The following RNF182 variants were observed in gnomAD, a reference collection of about 807,000 sequenced individuals.
RNF182 encodes E3 ubiquitin-protein ligase RNF182.
In RNF182, 15 loss-of-function variants were observed where a neutral mutation model predicts 14.4. The ratio of observed to expected loss-of-function variants is 1.04; its 90% CI spans 0.70 to 1.60. The LOEUF is 1.60. RNF182 is among the 40% of genes most tolerant of loss of function. The probability of loss-of-function intolerance (pLI) is 0.00; values close to 1 mark genes in which losing one functional copy is unlikely to be tolerated. For missense variants in RNF182, 268 were observed against 294.8 expected (o/e 0.91, Z 0.67); for synonymous variants, 128 against 122.9 (o/e 1.04, Z -0.27).
At chr6:13,946,803 C>G (rs1759450912) in intron 1 of RNF182, among the ~76,000 whole-genome samples, 1 of 152,150 alleles carries the variant, frequency 6.6e-6, no homozygotes, top group African/African-American at 2.4e-5. Flanking sequence ...GTAGCTTCTT[C>G]AGGCTGAACA....
At chr6:13,968,977 TGTAA>T (rs1207766448) in intron 1 of RNF182, among the ~76,000 whole-genome samples, 1 of 152,154 alleles carries the variant, frequency 6.6e-6, no homozygotes, top group Non-Finnish European at 1.5e-5. Context: ...CACTTTGGGT[TGTAA>T]GTAACAGAAA....
At chr6:13,959,464 GCTTA>G (rs1304044269) in intron 1 of RNF182, among the ~76,000 whole-genome samples, 1 of 152,174 alleles carries the variant, frequency 6.6e-6, no homozygotes, top group Non-Finnish European at 1.5e-5. Context: ...ATTTTTAGAA[GCTTA>G]CTTTGGTTAT....
chr6:13,957,490 C>T (rs1229098748), intron 1 of RNF182, among the ~76,000 whole-genome samples: 2 of 152,158 alleles, frequency 1.3e-5, no homozygotes, highest in South Asian at 2.1e-4. Context: ...TTAATTGAGG[C>T]ATTTCATTAA....
chr6:13,933,577 T>C (rs775358638), intron 1 of RNF182, among the ~76,000 whole-genome samples: 2 of 152,152 alleles, frequency 1.3e-5, no homozygotes, highest in Non-Finnish European at 2.9e-5. Flanking sequence ...TTTAACCTAA[T>C]ATATCAAAAT....
Position 13,969,799 on chromosome 6 carries a change from A to C in RNF182, c.-366-4411A>C, listed in dbSNP as rs75541670. Among the ~76,000 whole-genome samples the C allele has an allele frequency of 2.5e-3, 378 of 152,216 alleles. 1 individual carries two copies. The highest frequency in any genetic ancestry group is 8.7e-3 in the African/African-American group (362 of 41,554). Reference sequence around the variant, plus strand: ...GTATAGTCTTATCCCCAGATGACTTATAAAAGGATGAAAGACTGTTCATTG... The same window carrying C: ...GTATAGTCTTATCCCCAGATGACTTCTAAAAGGATGAAAGACTGTTCATTG... On this transcript the variant is annotated intron_variant, in intron 1 of 2. Transcript: ENST00000488300.
chr6:13,931,789 C>T (rs1049296654), intron 1 of RNF182, among the ~76,000 whole-genome samples: 1 of 152,036 alleles, frequency 6.6e-6, no homozygotes, highest in African/African-American at 2.4e-5. Context: ...CTGCAATGGA[C>T]AGCATGCTCA....
At chr6:13,946,112 A>G (rs1759432556) in intron 1 of RNF182, among the ~76,000 whole-genome samples, 1 of 150,486 alleles carries the variant, frequency 6.6e-6, no homozygotes, top group South Asian at 2.1e-4. Context: ...CTACTTTGGA[A>G]AGAATCTGTA....
At position 13,977,294 on chromosome 6, in the gene RNF182, CA is replaced by C; in HGVS notation, c.177del (p.Gly60ValfsTer30). ...YKIIDFGDSP[Q>X]GVIVCPFCRF... The stretch of plus-strand genomic sequence containing the variant: ...GATCATAGACTTTGGGGACTCCCCA[CA>C]AGGTGTCATTGTCTGTCCTTTCTGC... On this transcript the variant is annotated frameshift_variant, in exon 3 of 3. Coordinates refer to ENST00000488300, the MANE Select transcript of RNF182 (RefSeq NM_152737.4). LOFTEE classifies it high-confidence loss of function. The C allele has an allele frequency of 6.2e-7, 1 of 1,614,220 alleles. No homozygotes were observed. Among genetic ancestry groups the C allele is most frequent in the Non-Finnish European group, 8.5e-7 (1 of 1,180,032 alleles).
intron 1 of RNF182, chr6:13,949,405 G>A: frequency 1.3e-6 from 1 of 742,516 alleles, no homozygotes; most frequent in Non-Finnish European, 2.5e-6. Flanking sequence ...AAAAAGGCAA[G>A]AGAAAGACTG....
At chr6:13,967,057 C>G (rs1585045823) in intron 1 of RNF182, among the ~76,000 whole-genome samples, 1 of 152,032 alleles carries the variant, frequency 6.6e-6, no homozygotes, top group East Asian at 1.9e-4. Context: ...AGGCTGGTCT[C>G]CAACTCTTGG....
At chr6:13,963,565 G>A (rs991400474) in intron 1 of RNF182, among the ~76,000 whole-genome samples, 1 of 152,144 alleles carries the variant, frequency 6.6e-6, no homozygotes, top group Admixed American at 6.5e-5. Context: ...AGGCTGGATG[G>A]TCTCTAATGG....
chr6:13,968,285 G>A lies in RNF182; in HGVS notation c.-366-5925G>A, dbSNP rs143642879. 1.3e-4 allele frequency among the ~76,000 whole-genome samples: 20 copies of A among 152,202 alleles called. No homozygotes were observed. In the East Asian group the frequency reaches 2.5e-3, roughly 19 times the overall value. On this transcript the variant is annotated intron_variant, in intron 1 of 2. Coordinates refer to ENST00000488300, the MANE Select transcript of RNF182 (RefSeq NM_152737.4). Reference sequence around the variant, plus strand: ...ATGCAAAGACGATAACAGAATTTGCGGAACTCTACAGCAATGAATTTGAAA... The same window carrying A: ...ATGCAAAGACGATAACAGAATTTGCAGAACTCTACAGCAATGAATTTGAAA...
At chr6:13,926,847 C>G (rs929237816) in intron 1 of RNF182, among the ~76,000 whole-genome samples, 1 of 151,098 alleles carries the variant, frequency 6.6e-6, no homozygotes, top group Non-Finnish European at 1.5e-5. Context: ...TCTTTGTTAG[C>G]AAAACCAGTA....
chr6:13,950,615 A>G (rs1193225292), intron 1 of RNF182, among the ~76,000 whole-genome samples: 2 of 150,146 alleles, frequency 1.3e-5, no homozygotes, highest in Non-Finnish European at 3.0e-5. Context: ...TCGTGCCTCA[A>G]CCTCCCGAGT....
chr6:13,967,549 T>C (rs1166251195), intron 1 of RNF182, among the ~76,000 whole-genome samples: 1 of 152,210 alleles, frequency 6.6e-6, no homozygotes, highest in East Asian at 1.9e-4. Flanking sequence ...AGAATATTTC[T>C]TTCTAGACTA....
chr6:13,941,052 A>G (rs1236594806), intron 1 of RNF182, among the ~76,000 whole-genome samples: 1 of 152,002 alleles, frequency 6.6e-6, no homozygotes, highest in African/African-American at 2.4e-5. Context: ...TGTAGTTGTA[A>G]TTGCAGAATT....
At chr6:13,930,352 A>T (rs1310940889) in intron 1 of RNF182, among the ~76,000 whole-genome samples, 1 of 152,166 alleles carries the variant, frequency 6.6e-6, no homozygotes, top group Non-Finnish European at 1.5e-5. Context: ...GCAGATATTG[A>T]GGGGTGACTA....
rs1042300082 is a variant in RNF182 at position 13,945,065 on chromosome 6, G to A, written c.-367+20042G>A. ...TCTTAGGGTGGAAATGCCCTCAGTT[G>A]TCACTTGAATTCCTGCTAACACCCC... On this transcript the variant is annotated intron_variant, in intron 1 of 2. Transcript: ENST00000488300. 2.0e-5 allele frequency among the ~76,000 whole-genome samples: 3 copies of A among 152,134 alleles called. No individual in the cohort carries two copies. In the East Asian group the frequency reaches 5.8e-4, roughly 29 times the overall value.
chr6:13,975,093 T>C (rs958659817), intron 2 of RNF182, among the ~76,000 whole-genome samples: 2 of 152,192 alleles, frequency 1.3e-5, no homozygotes, highest in African/African-American at 2.4e-5. Context: ...GAATGGGAGC[T>C]TTCCAGGTGG....
Sources: gnomAD v4.1 joint callset for allele counts (sites outside exome capture counted in the v4.1 genomes callset) on GRCh38, gnomAD v4.1.1 for gene constraint, MANE v1.5 for transcripts, NCBI Gene and HGNC (gene_info 2026-07-23, HGNC 2026-07-21) for gene names.